Variants in CDH13 observed in about 807,000 individuals in gnomAD.
CDH13 encodes the protein cadherin-13.
Under a neutral mutation model 63.8 loss-of-function variants are expected in CDH13, and 24 were observed. The observed-to-expected ratio is 0.38, with a 90% CI of 0.27 to 0.53. The LOEUF is 0.53. Among genes scored for constraint, CDH13 ranks in the 20% least tolerant of loss-of-function variants. The probability of loss-of-function intolerance (pLI) is 0.85; values close to 1 mark genes in which losing one functional copy is unlikely to be tolerated. For missense variants in CDH13, 1,049 were observed against 903.1 expected, an observed-to-expected ratio of 1.16 and a Z score of -2.07; for synonymous variants, 503 against 355.3, an observed-to-expected ratio of 1.42 and a Z score of -4.67.
chr16:83,304,196 A>G (rs1246733219), intron 5 of CDH13, among the ~76,000 whole-genome samples: 1 of 152,200 alleles, frequency 6.6e-6, no homozygotes, highest in African/African-American at 2.4e-5. Context: ...GCCATAAGAA[A>G]TGTGGGTTTT....
At chr16:83,592,467 G>C (rs1598342091) in intron 7 of CDH13, among the ~76,000 whole-genome samples, 1 of 152,152 alleles carries the variant, frequency 6.6e-6, no homozygotes, top group Non-Finnish European at 1.5e-5. Flanking sequence ...TGAATGTCAA[G>C]TATTTGCCAC....
At chr16:83,436,903 C>T (rs2072321776) in intron 6 of CDH13, among the ~76,000 whole-genome samples, 1 of 152,150 alleles carries the variant, frequency 6.6e-6, no homozygotes, top group Non-Finnish European at 1.5e-5. Flanking sequence ...AAATAGTTAC[C>T]TGTAAAACTC....
intron 12 of CDH13, among the ~76,000 whole-genome samples, chr16:83,782,004 T>C (rs528624652): frequency 6.6e-6 from 1 of 152,322 alleles, no homozygotes; most frequent in East Asian, 1.9e-4. Flanking sequence ...TTTGATTTAA[T>C]CTGCCATCTC....
chr16:83,780,897 G>A (rs1303771981), intron 12 of CDH13, among the ~76,000 whole-genome samples: 5 of 152,144 alleles, frequency 3.3e-5, no homozygotes, highest in Non-Finnish European at 7.4e-5. Context: ...CCAGCGCATT[G>A]GAGAGGCTTT....
At chr16:83,028,885 ATT>A (rs1916057418) in intron 2 of CDH13, among the ~76,000 whole-genome samples, 5 of 152,160 alleles carry the variant, frequency 3.3e-5, no homozygotes, top group Admixed American at 2.6e-4. Context: ...GAAGGGTTGT[ATT>A]CTCCATGGGG....
At chr16:82,663,939 A>G (rs1173118767) in intron 1 of CDH13, among the ~76,000 whole-genome samples, 2 of 152,194 alleles carry the variant, frequency 1.3e-5, no homozygotes, top group Non-Finnish European at 2.9e-5. Context: ...CTGCAGCATG[A>G]CAGGCATTCC....
At chr16:82,994,994 G>A (rs146045588) in intron 2 of CDH13, among the ~76,000 whole-genome samples, 2,289 of 152,188 alleles carry the variant, frequency 0.015, 52 homozygotes, top group African/African-American at 0.05. Context: ...GATCCTGTAG[G>A]ATTATCCTGA....
chr16:83,402,238 G>C (rs1295550064), intron 6 of CDH13, among the ~76,000 whole-genome samples: 2 of 152,170 alleles, frequency 1.3e-5, no homozygotes, highest in Non-Finnish European at 2.9e-5. Context: ...AAACTGTCTG[G>C]CTCCCGGAGC....
chr16:82,807,752 A>C (rs376603010), intron 1 of CDH13, among the ~76,000 whole-genome samples: 2 of 152,306 alleles, frequency 1.3e-5, no homozygotes, highest in African/African-American at 4.8e-5. Flanking sequence ...CCAGCCTCCA[A>C]ACACCACAAT....
At chr16:83,523,831 G>A (rs527408927) in intron 7 of CDH13, among the ~76,000 whole-genome samples, 4 of 152,212 alleles carry the variant, frequency 2.6e-5, no homozygotes, top group Non-Finnish European at 4.4e-5. Context: ...AAACACTTCA[G>A]TCCCTCGTTA....
At chr16:83,433,508 C>A (rs538690575) in intron 6 of CDH13, among the ~76,000 whole-genome samples, 1 of 152,300 alleles carries the variant, frequency 6.6e-6, no homozygotes, top group East Asian at 1.9e-4. Context: ...TTCCTTGGTG[C>A]ACCTACTAAT....
intron 6 of CDH13, among the ~76,000 whole-genome samples, chr16:83,405,577 G>C (rs1238638102): frequency 2.0e-5 from 3 of 152,166 alleles, no homozygotes; most frequent in Non-Finnish European, 4.4e-5. Context: ...ATTCATTTTA[G>C]ACTCCCGACC....
chr16:82,940,780 G>C (rs755431547), intron 2 of CDH13, among the ~76,000 whole-genome samples: 1 of 152,068 alleles, frequency 6.6e-6, no homozygotes, highest in African/African-American at 2.4e-5. Flanking sequence ...AGCAAATGCT[G>C]GTGTTTAAAG....
chr16:82,638,828 G>C (rs1909022521), intron 1 of CDH13, among the ~76,000 whole-genome samples: 2 of 152,230 alleles, frequency 1.3e-5, no homozygotes, highest in Non-Finnish European at 1.5e-5. Flanking sequence ...GTGTGTGCGT[G>C]TGTGCGTTTG....
intron 4 of CDH13, among the ~76,000 whole-genome samples, chr16:83,148,285 G>A (rs969731890): frequency 2.6e-4 from 39 of 152,156 alleles, no homozygotes; most frequent in Non-Finnish European, 4.9e-4. Context: ...TAGGCACAGA[G>A]GCTGAGACAA....
At chr16:83,273,203 A>T (rs922167967) in intron 5 of CDH13, among the ~76,000 whole-genome samples, 1 of 152,124 alleles carries the variant, frequency 6.6e-6, no homozygotes, top group Non-Finnish European at 1.5e-5. Context: ...TTTTAGGTGC[A>T]GGGGATACAT....
intron 1 of CDH13, among the ~76,000 whole-genome samples, chr16:82,768,407 T>G (rs750048529): frequency 5.9e-5 from 9 of 152,174 alleles, no homozygotes; most frequent in Non-Finnish European, 1.2e-4. Context: ...CACTACAGCC[T>G]TTGCAGAATT....
chr16:83,752,534 C>A (rs758433866), intron 11 of CDH13, among the ~76,000 whole-genome samples: 6 of 152,190 alleles, frequency 3.9e-5, no homozygotes, highest in Non-Finnish European at 8.8e-5. Flanking sequence ...GTCTAAACTT[C>A]CGCCATACCA....
At position 83,378,012 on chromosome 16, in the gene CDH13, C is replaced by T. The variant is rs528996852; in HGVS notation, c.781+33006C>T. Among the ~76,000 whole-genome samples the T allele has an allele frequency of 2.0e-4, 31 of 152,220 alleles. 2 individuals are homozygous for T. The South Asian group carries it at 4.6e-3, about 22-fold the overall frequency. On this transcript the variant is annotated intron_variant, in intron 6 of 13. Transcript: ENST00000567109. The stretch of plus-strand genomic sequence containing the variant: ...CAAATATATCCCTTCTTCCAGAGAG[C>T]TGAGCAAGAGGAGGGCAGGCTGCTC...
Sources: gnomAD v4.1 joint callset for allele counts (sites outside exome capture counted in the v4.1 genomes callset) on GRCh38, gnomAD v4.1.1 for gene constraint, MANE v1.5 for transcripts, NCBI Gene and HGNC (gene_info 2026-07-23, HGNC 2026-07-21) for gene names.